Variants in GRIK2 observed in about 807,000 individuals in gnomAD.
GRIK2 encodes the protein glutamate ionotropic receptor kainate type subunit 2.
Under a neutral mutation model 100.3 loss-of-function variants are expected in GRIK2, and 32 were observed. The ratio of observed to expected loss-of-function variants is 0.32; its 90% CI spans 0.24 to 0.43. The LOEUF is 0.43. Ranked by LOEUF, GRIK2 falls within the 20% of genes least tolerant of loss-of-function variation. The probability of loss-of-function intolerance (pLI) is 1.00; values close to 1 mark genes in which losing one functional copy is unlikely to be tolerated. For synonymous variants in GRIK2, 417 were observed against 389.4 expected (o/e 1.07, Z -0.83); for missense variants, 843 against 1,114.9 (o/e 0.76, Z 3.47).
rs748950853 is a variant in GRIK2, at chr6:102,035,558, C to T, written c.2303C>T (p.Thr768Ile). Residue 768 changes from threonine to isoleucine, a missense_variant, in exon 15 of 17, where the codon ACT (threonine) becomes ATT (isoleucine). Transcript: ENST00000369134. ...LIDSKGYGVG[T>I]PMGSPYRDKI... ...GACTCTAAAGGTTATGGCGTTGGCA[C>T]TCCCATGGGTAGGTTATATGTCAGC... 1.3e-6 allele frequency: 2 copies of T among 1,570,820 alleles called. No homozygotes were observed. Among genetic ancestry groups the T allele is most frequent in the South Asian group, 1.1e-5 (1 of 89,948 alleles).
chr6:101,489,036 T>A lies in GRIK2; in HGVS notation c.115+89644T>A, dbSNP rs973894145. 3.4e-5 allele frequency among the ~76,000 whole-genome samples: 5 copies of A among 146,554 alleles called. 1 individual carries two copies. Among genetic ancestry groups the A allele is most frequent in the Non-Finnish European group, 7.5e-5 (5 of 66,502 alleles). On this transcript the variant is annotated intron_variant, in intron 2 of 16. Coordinates refer to ENST00000369134, the MANE Select transcript of GRIK2 (RefSeq NM_021956.5). ...GTAATGATAGTTGACTATATTTTAA[T>A]GGGAAATTTTAAAATGTTACTCTTT...
chr6:101,539,482 A>G (rs143693735), intron 2 of GRIK2, among the ~76,000 whole-genome samples: 113 of 151,898 alleles, frequency 7.4e-4, no homozygotes, highest in African/African-American at 2.6e-3. Flanking sequence ...TATCAACTAT[A>G]AAGTGTCATC....
intron 2 of GRIK2, among the ~76,000 whole-genome samples, chr6:101,494,625 A>G (rs1223886018): frequency 6.6e-6 from 1 of 151,828 alleles, no homozygotes; most frequent in African/African-American, 2.4e-5. Context: ...TAAAAACACA[A>G]TACTTCATAT....
chr6:101,493,068 G>T (rs1773226641), intron 2 of GRIK2, among the ~76,000 whole-genome samples: 1 of 151,854 alleles, frequency 6.6e-6, no homozygotes, highest in Non-Finnish European at 1.5e-5. Context: ...CAGAATTAGT[G>T]AACTTAAAGA....
intron 2 of GRIK2, among the ~76,000 whole-genome samples, chr6:101,424,811 G>A (rs1199480280): frequency 6.6e-6 from 1 of 151,010 alleles, no homozygotes; most frequent in African/African-American, 2.4e-5. Context: ...GTGAGAACAT[G>A]TGGTGTTTGG....
intron 7 of GRIK2, among the ~76,000 whole-genome samples, chr6:101,730,291 T>C (rs1442988006): frequency 6.6e-6 from 1 of 151,978 alleles, no homozygotes; most frequent in Non-Finnish European, 1.5e-5. Flanking sequence ...TGTGCATTTC[T>C]GTGTCAGTAA....
At chr6:101,651,889 G>A (rs954878859) in intron 4 of GRIK2, among the ~76,000 whole-genome samples, 1 of 152,094 alleles carries the variant, frequency 6.6e-6, no homozygotes, top group Non-Finnish European at 1.5e-5. Context: ...ACAGAAGTGA[G>A]TATAAACAAA....
intron 2 of GRIK2, among the ~76,000 whole-genome samples, chr6:101,538,429 A>T (rs1348606145): frequency 6.6e-6 from 1 of 151,726 alleles, no homozygotes; most frequent in Non-Finnish European, 1.5e-5. Flanking sequence ...ATTTTTTTAC[A>T]AATAAGTAAA....
At chr6:101,923,414 C>G (rs1789681558) in intron 12 of GRIK2, among the ~76,000 whole-genome samples, 1 of 151,980 alleles carries the variant, frequency 6.6e-6, no homozygotes, top group South Asian at 2.1e-4. Flanking sequence ...ATAAATATAT[C>G]TGGATTATAA....
At chr6:101,523,417 TGAAG>T (rs758157528) in intron 2 of GRIK2, among the ~76,000 whole-genome samples, 5 of 152,070 alleles carry the variant, frequency 3.3e-5, no homozygotes, top group South Asian at 2.1e-4. Context: ...ATATAACTGT[TGAAG>T]GAAGAAGTAG....
rs940768566 is a variant in GRIK2 at position 101,586,134 on chromosome 6, C to T, written c.116-35815C>T. ...ACCTAGCCATGTGTGCTTCTATTCT[C>T]ACCCAGGAATAAGAAGCAATAGGTC... is the stretch of plus-strand genomic sequence containing the variant. On this transcript the variant is annotated intron_variant, in intron 2 of 16. Transcript: ENST00000369134. 4.9e-4 allele frequency among the ~76,000 whole-genome samples: 74 copies of T among 151,990 alleles called. 1 individual carries two copies. Among genetic ancestry groups the T allele is most frequent in the African/African-American group, 1.7e-3 (70 of 41,478 alleles).
intron 10 of GRIK2, among the ~76,000 whole-genome samples, chr6:101,835,260 G>T (rs892585489): frequency 6.6e-6 from 1 of 151,772 alleles, no homozygotes; most frequent in Non-Finnish European, 1.5e-5. Context: ...ATTTTAACTT[G>T]TTTAAAGCTT....
chr6:101,775,585 G>A (rs1778693794), intron 7 of GRIK2, among the ~76,000 whole-genome samples: 1 of 149,906 alleles, frequency 6.7e-6, no homozygotes, highest in African/African-American at 2.5e-5. Context: ...TTACTGTATA[G>A]TTTATTTATA....
chr6:101,405,985 A>G (rs1775574279), intron 2 of GRIK2, among the ~76,000 whole-genome samples: 1 of 152,182 alleles, frequency 6.6e-6, no homozygotes, highest in Non-Finnish European at 1.5e-5. Flanking sequence ...ATGTGGTCTC[A>G]TTTTTACCTT....
chr6:101,587,076 T>A (rs890609756), intron 2 of GRIK2, among the ~76,000 whole-genome samples: 1 of 151,898 alleles, frequency 6.6e-6, no homozygotes, highest in Non-Finnish European at 1.5e-5. Flanking sequence ...ATTTGTTGAA[T>A]GGATTGATAT....
chr6:101,678,475 G>A (rs1325502791), intron 5 of GRIK2, among the ~76,000 whole-genome samples: 2 of 152,080 alleles, frequency 1.3e-5, no homozygotes, highest in Admixed American at 1.3e-4. Flanking sequence ...TGAATCCAGA[G>A]CGACATTATT....
intron 2 of GRIK2, among the ~76,000 whole-genome samples, chr6:101,530,312 G>T (rs555475448): frequency 1.8e-4 from 27 of 150,956 alleles, no homozygotes; most frequent in African/African-American, 6.1e-4. Flanking sequence ...CCTATTCTTT[G>T]CATTTTTCTG....
At chr6:101,903,655 A>G (rs1258568929) in intron 12 of GRIK2, among the ~76,000 whole-genome samples, 1 of 151,734 alleles carries the variant, frequency 6.6e-6, no homozygotes, top group East Asian at 1.9e-4. Context: ...TTACTCTAAT[A>G]TTTTAAGTGA....
chr6:101,930,147 G>A (rs1276461555), intron 14 of GRIK2, among the ~76,000 whole-genome samples: 2 of 152,008 alleles, frequency 1.3e-5, no homozygotes, highest in South Asian at 4.1e-4. Flanking sequence ...GTTGAGACCA[G>A]CCTCCATAAC....
Sources: allele counts gnomAD v4.1 joint callset (sites outside exome capture counted in the v4.1 genomes callset), GRCh38; gene constraint gnomAD v4.1.1; transcripts MANE v1.5; gene names NCBI Gene and HGNC (gene_info 2026-07-23, HGNC 2026-07-21).